Variants in CPZ observed in about 807,000 individuals in gnomAD.
The protein encoded by CPZ is carboxypeptidase Z, also known as VEZT/CPZ fusion.
In CPZ, 103 loss-of-function variants were observed where a neutral mutation model predicts 61.8. The observed-to-expected ratio is 1.67, with a 90% confidence interval of 1.42 to 1.96. The LOEUF is 1.96. CPZ is among the 30% of genes most tolerant of loss of function. The pLI, the probability that CPZ is intolerant of heterozygous loss-of-function variation, is 0.00. For synonymous variants in CPZ, 551 were observed against 373.7 expected, an observed-to-expected ratio of 1.47 and a Z score of -5.47; for missense variants, 1,461 against 914.9, an observed-to-expected ratio of 1.60 and a Z score of -7.70.
chr4:8,599,324 C>G, intron 1 of CPZ, 129 bp from the exon 2 acceptor site: 1 of 1,087,010 alleles, frequency 9.2e-7, no homozygotes, highest in East Asian at 2.9e-5. Flanking sequence ...GTGAAGACTC[C>G]ATGAGATGGA....
At chr4:8,616,276 G>C (rs1391940934) in intron 9 of CPZ, among the ~76,000 whole-genome samples, 1 of 152,172 alleles carries the variant, frequency 6.6e-6, no homozygotes, top group Non-Finnish European at 1.5e-5. Flanking sequence ...TACATCACCT[G>C]GGGCGAGGGG....
chr4:8,603,715 G>A (rs2241067), intron 3 of CPZ: 245,825 of 549,244 alleles, frequency 0.45, 56,593 homozygotes, highest in African/African-American at 0.54. Context: ...TATTTTAGGA[G>A]CTTCCCACAG....
chr4:8,611,523 C>G (rs1161348185), intron 7 of CPZ, among the ~76,000 whole-genome samples: 1 of 152,134 alleles, frequency 6.6e-6, no homozygotes, highest in Admixed American at 6.5e-5. Context: ...AGGCTGAGTC[C>G]CAGCCTCTGA....
chr4:8,619,157 G>T (rs529434430), intron 10 of CPZ, 105 bp from the exon 11 acceptor site: 36 of 968,692 alleles, frequency 3.7e-5, no homozygotes, highest in Non-Finnish European at 5.0e-5. Context: ...CACATTTGGC[G>T]CCTGCCTCCC....
chr4:8,611,114 G>C, intron 7 of CPZ: 2 of 418,852 alleles, frequency 4.8e-6, no homozygotes, highest in East Asian at 1.5e-4. Context: ...TCACTCACTG[G>C]GCCCTGCCTG....
chr4:8,602,906 G>C (rs996931083), intron 3 of CPZ: 1 of 152,370 alleles, frequency 6.6e-6, no homozygotes, highest in African/African-American at 2.4e-5. Flanking sequence ...CAGCGGTAGG[G>C]GGGGTGCCCT....
intron 1 of CPZ, among the ~76,000 whole-genome samples, chr4:8,596,061 T>A (rs1288338535): frequency 7.5e-6 from 1 of 134,090 alleles, no homozygotes; most frequent in Admixed American, 7.0e-5. Flanking sequence ...CTGTTGTTGC[T>A]TTTTTTTTTC....
At chr4:8,616,762 CCTTA>C (rs1053512225) in intron 9 of CPZ, among the ~76,000 whole-genome samples, 12 of 152,308 alleles carry the variant, frequency 7.9e-5, no homozygotes, top group East Asian at 3.9e-4. Context: ...TGCAGGAAAA[CCTTA>C]CTTTTTATGC....
At chr4:8,609,231 T>C (rs1324747788) in intron 7 of CPZ, among the ~76,000 whole-genome samples, 6 of 55,212 alleles carry the variant, frequency 1.1e-4, no homozygotes, top group African/African-American at 6.8e-4. Context: ...TACTCACTCA[T>C]TGTCACTCAT....
chr4:8,600,861 T>G, intron 2 of CPZ: 1 of 1,113,260 alleles, frequency 9.0e-7, no homozygotes, highest in Non-Finnish European at 1.1e-6. Context: ...GCTTTGCAGA[T>G]GGAGACGCCG....
chr4:8,601,803 G>T (rs1577111125), intron 3 of CPZ, among the ~76,000 whole-genome samples: 1 of 152,202 alleles, frequency 6.6e-6, no homozygotes, highest in Admixed American at 6.5e-5. Context: ...CCCCCGCCCA[G>T]GGTGCAGTGA....
At chr4:8,605,741 A>C (rs919186885) in intron 4 of CPZ, among the ~76,000 whole-genome samples, 2 of 151,496 alleles carry the variant, frequency 1.3e-5, no homozygotes, top group Non-Finnish European at 2.9e-5. Flanking sequence ...ATTTGCATGA[A>C]TCAATGATAA....
In CPZ at chr4:8,619,383, C is replaced by T. The variant is rs751737193; in HGVS notation, c.1725C>T (p.Gly575=). ...VIIPARMKRA[G]RVDFILQPLG... ...TCCCCGCCCGGATGAAGAGGGCTGG[C>T]CGTGTGGACTTCATTCTGCAACCTC... Residue 575 remains glycine, a synonymous_variant, in exon 11 of 11, where the codon GGC becomes GGT. Coordinates refer to ENST00000360986, the MANE Select transcript of CPZ (RefSeq NM_001014447.3). 8 of 1,614,078 alleles carry T rather than the reference C, an allele frequency of 5.0e-6. No individual in the cohort carries two copies. The highest frequency in any genetic ancestry group is 6.8e-6 in the Non-Finnish European group (8 of 1,180,036).
chr4:8,611,055 C>T (rs1342823823), intron 7 of CPZ: 4 of 375,306 alleles, frequency 1.1e-5, no homozygotes, highest in African/African-American at 4.2e-5. Flanking sequence ...CACGCATTCG[C>T]TCACTCACTC....
chr4:8,599,255 G>T (rs1714396162), intron 1 of CPZ, among the ~76,000 whole-genome samples, 198 bp from the exon 2 acceptor site: 1 of 152,258 alleles, frequency 6.6e-6, no homozygotes, highest in Non-Finnish European at 1.5e-5. Flanking sequence ...TGACCTCTCA[G>T]ACGCAGCTTT....
At chr4:8,595,851 T>C (rs749671912) in intron 1 of CPZ, among the ~76,000 whole-genome samples, 2 of 152,078 alleles carry the variant, frequency 1.3e-5, no homozygotes, top group Non-Finnish European at 2.9e-5. Flanking sequence ...AGAGGGAGAT[T>C]TGGGCAGAGA....
intron 9 of CPZ, among the ~76,000 whole-genome samples, chr4:8,617,359 G>GC (rs1362612647): frequency 6.6e-6 from 1 of 152,192 alleles, no homozygotes; most frequent in Non-Finnish European, 1.5e-5. Context: ...AGAAAAACCA[G>GC]CCCCTCTCGG....
At chr4:8,610,982 A>G (rs1715605046) in intron 7 of CPZ, among the ~76,000 whole-genome samples, 1 of 151,612 alleles carries the variant, frequency 6.6e-6, no homozygotes, top group Non-Finnish European at 1.5e-5. Flanking sequence ...TCATTCACTC[A>G]GTCACTCACT....
chr4:8,618,617 G>T, intron 10 of CPZ, 89 bp downstream of exon 10: 1 of 1,257,990 alleles, frequency 7.9e-7, no homozygotes, highest in Non-Finnish European at 1.1e-6. Context: ...CACTCACAGT[G>T]TGCCCAGCCC....
Sources: gnomAD v4.1 joint callset for allele counts (sites outside exome capture counted in the v4.1 genomes callset) on GRCh38, gnomAD v4.1.1 for gene constraint, MANE v1.5 for transcripts, NCBI Gene and HGNC (gene_info 2026-07-23, HGNC 2026-07-21) for gene names.